GLT1D1: variants seen among roughly 807,000 people sequenced by gnomAD.
GLT1D1 encodes the protein glycosyltransferase 1 domain-containing protein 1.
In GLT1D1, 21 loss-of-function variants were observed where a neutral mutation model predicts 28.7. The observed-to-expected ratio is 0.73, with a 90% confidence interval of 0.52 to 1.05. The LOEUF (loss-of-function observed/expected upper bound fraction) is 1.05. Among genes scored for constraint, GLT1D1 ranks in the 50% least tolerant of loss-of-function variants. GLT1D1 has a pLI of 0.00. For missense variants in GLT1D1, 343 were observed against 330.6 expected, an observed-to-expected ratio of 1.04 and a Z score of -0.29; for synonymous variants, 147 against 124.8, an observed-to-expected ratio of 1.18 and a Z score of -1.19.
At position 128,876,163 on chromosome 12, in the gene GLT1D1, A is replaced by G. The variant is rs537449222; in HGVS notation, c.217+101A>G. 1.1e-4 allele frequency: 124 copies of G among 1,080,304 alleles called. 3 individuals are homozygous for G. In the Middle Eastern group the frequency reaches 1.7e-3, roughly 15 times the overall value. The allele number at this position is 1,080,304 out of a possible 1,614,324, so 66.9% of individuals were successfully genotyped here. A position where few individuals can be genotyped will look rare whatever the true frequency, so the allele number is the denominator to read the frequency against. On this transcript the variant is annotated intron_variant, in intron 2 of 7. Transcript: ENST00000281703. ...GGGAAACAGTGTCTCCTTTTTATCCAGTTCAGAAATGGGAGACATGCAATA... is the reference window on the plus strand; with the variant it reads ...GGGAAACAGTGTCTCCTTTTTATCCGGTTCAGAAATGGGAGACATGCAATA...
intron 1 of GLT1D1, among the ~76,000 whole-genome samples, chr12:128,872,736 C>CTACA (rs1229070600): frequency 6.6e-6 from 1 of 152,102 alleles, no homozygotes; most frequent in East Asian, 1.9e-4. Flanking sequence ...TGTTGTGTAT[C>CTACA]TACATACACA....
At chr12:128,859,415 G>C (rs1408796340) in intron 1 of GLT1D1, among the ~76,000 whole-genome samples, 1 of 152,206 alleles carries the variant, frequency 6.6e-6, no homozygotes, top group Admixed American at 6.5e-5. Context: ...GATGTGCCGA[G>C]GAGGGGGAGC....
intron 4 of GLT1D1, among the ~76,000 whole-genome samples, chr12:128,927,788 C>T (rs1873384105): frequency 1.3e-5 from 2 of 151,390 alleles, no homozygotes; most frequent in African/African-American, 4.8e-5. Context: ...CACCTGAGGG[C>T]AGGAGTCGGA....
At chr12:128,969,324 G>T (rs1176541817) in intron 7 of GLT1D1, among the ~76,000 whole-genome samples, 1 of 151,246 alleles carries the variant, frequency 6.6e-6, no homozygotes, top group Non-Finnish European at 1.5e-5. Flanking sequence ...CTCCTCTCCT[G>T]TTTTACACCT....
chr12:128,937,552 T>C (rs1359042702), intron 4 of GLT1D1, among the ~76,000 whole-genome samples: 1 of 152,116 alleles, frequency 6.6e-6, no homozygotes, highest in African/African-American at 2.4e-5. Flanking sequence ...GAATAGGTTT[T>C]GGGGACAGAG....
chr12:128,925,045 T>C lies in GLT1D1; in HGVS notation c.376-20281T>C, dbSNP rs557861842. Reference sequence around the variant, plus strand: ...TCATAAATAAATTGTTTTTTGTTTTTTTTTTTTACTTTTTCCATATTTATT... The same window carrying C: ...TCATAAATAAATTGTTTTTTGTTTTCTTTTTTTACTTTTTCCATATTTATT... On this transcript the variant is annotated intron_variant, in intron 4 of 7. Transcript: ENST00000281703. Among the ~76,000 whole-genome samples the C allele has an allele frequency of 1.7e-3, 262 of 152,278 alleles. 1 individual carries two copies. The highest frequency in any genetic ancestry group is 5.4e-3 in the African/African-American group (225 of 41,574).
chr12:128,915,673 A>G (rs1326559658), intron 4 of GLT1D1, among the ~76,000 whole-genome samples: 1 of 152,170 alleles, frequency 6.6e-6, no homozygotes, highest in Non-Finnish European at 1.5e-5. Context: ...AAAAAATGCA[A>G]CAAAAATTTT....
chr12:128,867,397 C>CAAA (rs1158997935), intron 1 of GLT1D1, among the ~76,000 whole-genome samples: 6 of 59,278 alleles, frequency 1.0e-4, no homozygotes, highest in African/African-American at 1.7e-4. Flanking sequence ...AACTCCTTCT[C>CAAA]AAAAAAAAAA....
intron 3 of GLT1D1, among the ~76,000 whole-genome samples, chr12:128,893,414 G>A (rs886676400): frequency 6.6e-6 from 1 of 151,984 alleles, no homozygotes; most frequent in Non-Finnish European, 1.5e-5. Context: ...CTGAATATTG[G>A]TAGTTTCATA....
At chr12:128,963,602 C>T (rs759174782) in intron 7 of GLT1D1, among the ~76,000 whole-genome samples, 8 of 152,124 alleles carry the variant, frequency 5.3e-5, no homozygotes, top group East Asian at 1.9e-4. Context: ...GCTGAGATTA[C>T]GCCATTGCAC....
At chr12:128,888,282 C>CATGAA (rs1868624862) in intron 2 of GLT1D1, among the ~76,000 whole-genome samples, 4 of 152,094 alleles carry the variant, frequency 2.6e-5, no homozygotes, top group Admixed American at 2.6e-4. Context: ...TTGGAGAGCC[C>CATGAA]TTTTTTTGTC....
In GLT1D1 at chr12:128,874,115, TCTCTCTCTC is replaced by T. The variant is rs1566091273; in HGVS notation, c.69-1798_69-1790del. Among the ~76,000 whole-genome samples the T allele has an allele frequency of 2.7e-3, 189 of 69,378 alleles. 2 individuals are homozygous for T. The highest frequency in any genetic ancestry group is 0.018 in the Admixed American group (105 of 5,784). 45.5% of individuals were successfully genotyped at this position (69,378 alleles called of 152,430 possible). Reference sequence around the variant, plus strand: ...TTCTTTCTTTCTCTCTCTCTCTCTCTCTCTCTCTCTCTTTCTTTCTTTCTTTCTTTCTTT... The same window carrying T: ...TTCTTTCTTTCTCTCTCTCTCTCTCTTCTTTCTTTCTTTCTTTCTTTCTTT... On this transcript the variant is annotated intron_variant, in intron 1 of 7. Coordinates refer to ENST00000281703, the MANE Select transcript of GLT1D1 (RefSeq NM_144669.3).
rs200053987 is a variant in GLT1D1 at position 128,908,323 on chromosome 12, CTTCTTTCT to C, written c.375+9052_375+9059del. 8.1e-3 allele frequency among the ~76,000 whole-genome samples: 1,199 copies of C among 147,560 alleles called. 12 individuals are homozygous for C. Among genetic ancestry groups the C allele is most frequent in the African/African-American group, 0.019 (746 of 39,490 alleles). On this transcript the variant is annotated intron_variant, in intron 4 of 7. Coordinates refer to ENST00000281703, the MANE Select transcript of GLT1D1 (RefSeq NM_144669.3). ...CACCCACGTATTTTCTTTTACTTTCCTTCTTTCTTTCTTTCTTTCTTTCCCTTTCTTTC... is the reference window on the plus strand; with the variant it reads ...CACCCACGTATTTTCTTTTACTTTCCTTCTTTCTTTCTTTCCCTTTCTTTC...
At chr12:128,967,807 T>C (rs752271216) in intron 7 of GLT1D1, among the ~76,000 whole-genome samples, 2 of 152,216 alleles carry the variant, frequency 1.3e-5, no homozygotes, top group African/African-American at 2.4e-5. Context: ...CATCTATAAT[T>C]CTTGGAAGTT....
At chr12:128,958,247 C>T (rs549483398) in intron 7 of GLT1D1, among the ~76,000 whole-genome samples, 4 of 152,226 alleles carry the variant, frequency 2.6e-5, no homozygotes, top group South Asian at 4.1e-4. Context: ...TGCCTGCATC[C>T]GACGCCCTGA....
At chr12:128,860,474 T>C (rs1956330275) in intron 1 of GLT1D1, among the ~76,000 whole-genome samples, 1 of 151,946 alleles carries the variant, frequency 6.6e-6, no homozygotes, top group Admixed American at 6.6e-5. Context: ...AAAAAGAAAT[T>C]AGTAGTGTCT....
At chr12:128,873,880 T>TCGC (rs1566090321) in intron 1 of GLT1D1, among the ~76,000 whole-genome samples, 6 of 124,782 alleles carry the variant, frequency 4.8e-5, no homozygotes, top group African/African-American at 1.8e-4. Flanking sequence ...CCTTCCTTCC[T>TCGC]TCCTCTCTCT....
chr12:128,953,761 T>A (rs536651798), intron 6 of GLT1D1, among the ~76,000 whole-genome samples: 2 of 145,406 alleles, frequency 1.4e-5, no homozygotes, highest in East Asian at 4.0e-4. Context: ...TTTTTTTGTC[T>A]CCGAAACAGA....
chr12:128,911,545 A>G (rs1416180964), intron 4 of GLT1D1, among the ~76,000 whole-genome samples: 1 of 152,190 alleles, frequency 6.6e-6, no homozygotes, highest in Non-Finnish European at 1.5e-5. Flanking sequence ...CTTAGGTCAC[A>G]TGACAAAAAG....
Sources: gnomAD v4.1 joint callset for allele counts (sites outside exome capture counted in the v4.1 genomes callset) on GRCh38, gnomAD v4.1.1 for gene constraint, MANE v1.5 for transcripts, NCBI Gene and HGNC (gene_info 2026-07-23, HGNC 2026-07-21) for gene names.